SFMBT2: variants seen among roughly 807,000 people sequenced by gnomAD.
SFMBT2 encodes Scm like with four mbt domains 2.
A neutral mutation model predicts 110.1 loss-of-function variants in SFMBT2; 38 were observed. The ratio of observed to expected loss-of-function variants is 0.35; its 90% confidence interval spans 0.27 to 0.45. SFMBT2 has a LOEUF of 0.45. Among genes scored for constraint, SFMBT2 ranks in the 20% least tolerant of loss-of-function variants. The pLI is 1.00. For missense variants in SFMBT2, 1,011 were observed against 1,094.9 expected (o/e 0.92, Z 1.08); for synonymous variants, 425 against 425.4 (o/e 1.00, Z 0.01).
At chr10:7,271,942 CAT>C (rs1308430521) in intron 7 of SFMBT2, among the ~76,000 whole-genome samples, 2 of 152,194 alleles carry the variant, frequency 1.3e-5, no homozygotes, top group African/African-American at 4.8e-5. Context: ...CCTCCCACAA[CAT>C]GTGGGAATTC....
intron 4 of SFMBT2, among the ~76,000 whole-genome samples, chr10:7,342,231 G>A (rs922592007): frequency 1.3e-5 from 2 of 152,020 alleles, no homozygotes; most frequent in Non-Finnish European, 2.9e-5. Context: ...GGGATATTAC[G>A]TGAGTTTAGA....
chr10:7,189,856 C>T (rs540396730), intron 15 of SFMBT2, among the ~76,000 whole-genome samples: 198 of 150,012 alleles, frequency 1.3e-3, no homozygotes, highest in Non-Finnish European at 2.2e-3. Flanking sequence ...TGCCTAAACA[C>T]GCACTATCTT....
intron 4 of SFMBT2, among the ~76,000 whole-genome samples, chr10:7,336,995 T>C (rs1843735482): frequency 6.6e-6 from 1 of 151,410 alleles, no homozygotes; most frequent in South Asian, 2.1e-4. Context: ...TGGAGTACTT[T>C]CTGTCACCAG....
chr10:7,313,950 G>A (rs1165185328), intron 4 of SFMBT2, among the ~76,000 whole-genome samples: 1 of 152,182 alleles, frequency 6.6e-6, no homozygotes, highest in African/African-American at 2.4e-5. Flanking sequence ...TTATTTCTGG[G>A]AAGTGAGTTT....
At chr10:7,371,878 T>C in intron 2 of SFMBT2, among the ~76,000 whole-genome samples, 1 of 150,672 alleles carries the variant, frequency 6.6e-6, no homozygotes, top group African/African-American at 2.4e-5. Flanking sequence ...CAAATAAGAA[T>C]GCCTTCTTCT....
At chr10:7,305,477 A>C (rs1482907594) in intron 4 of SFMBT2, among the ~76,000 whole-genome samples, 1 of 152,196 alleles carries the variant, frequency 6.6e-6, no homozygotes, top group East Asian at 1.9e-4. Context: ...GCCCACCTCC[A>C]GCCCCCTAGC....
At chr10:7,246,322 A>G in intron 8 of SFMBT2, 2 of 215,338 alleles carry the variant, frequency 9.3e-6, no homozygotes, top group Non-Finnish European at 1.6e-5. Context: ...AAGTCTATTC[A>G]GCTAGAAAAA....
At chr10:7,182,993 C>T (rs1028360462) in intron 16 of SFMBT2, among the ~76,000 whole-genome samples, 7 of 152,110 alleles carry the variant, frequency 4.6e-5, no homozygotes, top group Admixed American at 4.6e-4. Context: ...GCAAGGCTCT[C>T]ATAAACACTA....
At chr10:7,326,761 T>C (rs535857153) in intron 4 of SFMBT2, among the ~76,000 whole-genome samples, 9 of 152,354 alleles carry the variant, frequency 5.9e-5, no homozygotes, top group African/African-American at 2.2e-4. Flanking sequence ...AAAAGTTCAC[T>C]GGAAAACGAA....
At chr10:7,286,505 A>G (rs139461139) in intron 4 of SFMBT2, 3,991 of 222,144 alleles carry the variant, frequency 0.018, 39 homozygotes, top group Middle Eastern at 0.033. Flanking sequence ...CCTGGGTTCA[A>G]TTCAACTGAG....
chr10:7,253,944 G>A (rs1840906319), intron 7 of SFMBT2, among the ~76,000 whole-genome samples: 1 of 152,012 alleles, frequency 6.6e-6, no homozygotes, highest in African/African-American at 2.4e-5. Context: ...TTAAGAGTTT[G>A]GCTAAACCTG....
At chr10:7,273,206 G>A (rs887264630) in intron 7 of SFMBT2, among the ~76,000 whole-genome samples, 1 of 152,254 alleles carries the variant, frequency 6.6e-6, no homozygotes, top group African/African-American at 2.4e-5. Flanking sequence ...CTTTTAGTGA[G>A]AAGGAAATGT....
intron 4 of SFMBT2, among the ~76,000 whole-genome samples, chr10:7,323,309 G>A (rs1843255976): frequency 2.6e-5 from 4 of 151,938 alleles, no homozygotes; most frequent in Admixed American, 2.6e-4. Context: ...AAGTTAGCCA[G>A]GTATGGTGGC....
chr10:7,324,171 A>C (rs1427345334), intron 4 of SFMBT2, among the ~76,000 whole-genome samples: 2 of 152,192 alleles, frequency 1.3e-5, no homozygotes, highest in African/African-American at 4.8e-5. Context: ...GAGATTTCTG[A>C]ACACTTTATT....
chr10:7,245,159 T>C (rs1840567283), intron 8 of SFMBT2, among the ~76,000 whole-genome samples: 1 of 152,058 alleles, frequency 6.6e-6, no homozygotes, highest in African/African-American at 2.4e-5. Flanking sequence ...CCAACATCCC[T>C]GCCTTGGTGT....
intron 8 of SFMBT2, among the ~76,000 whole-genome samples, chr10:7,248,131 G>T (rs1404447077): frequency 6.6e-6 from 1 of 151,058 alleles, no homozygotes; most frequent in East Asian, 1.9e-4. Flanking sequence ...AGTCAACAAG[G>T]GCAGATGAGA....
chr10:7,381,668 G>A, intron 2 of SFMBT2, 131 bp downstream of exon 2: 1 of 948,146 alleles, frequency 1.1e-6, no homozygotes, highest in Non-Finnish European at 1.5e-6. Context: ...CTTATAAATA[G>A]GACTTCAAAT....
chr10:7,358,036 CCCAGTGACATCAA>C (rs1185647111), intron 4 of SFMBT2, among the ~76,000 whole-genome samples: 2 of 152,126 alleles, frequency 1.3e-5, no homozygotes, highest in East Asian at 3.9e-4. Context: ...ATCTGCATGG[CCCAGTGACATCAA>C]CATGGCCCTA....
intron 4 of SFMBT2, among the ~76,000 whole-genome samples, chr10:7,319,728 G>A (rs1296610885): frequency 3.3e-5 from 5 of 150,656 alleles, no homozygotes; most frequent in Non-Finnish European, 5.9e-5. Context: ...GAGACAGAGA[G>A]AGAGGAAGAT....
Sources: allele counts gnomAD v4.1 joint callset (sites outside exome capture counted in the v4.1 genomes callset), GRCh38; gene constraint gnomAD v4.1.1; transcripts MANE v1.5; gene names NCBI Gene and HGNC (gene_info 2026-07-23, HGNC 2026-07-21).